The following LINGO2 variants were observed in gnomAD, a reference collection of about 807,000 sequenced individuals.
The protein encoded by LINGO2 is leucine-rich repeat and immunoglobulin-like domain-containing nogo receptor-interacting protein 2.
In LINGO2, 14 loss-of-function variants were observed where a neutral mutation model predicts 30.6. That is an observed-to-expected ratio of 0.46 (90% CI 0.30 to 0.72). The LOEUF is 0.72. Among genes scored for constraint, LINGO2 ranks in the 30% least tolerant of loss-of-function variants. The pLI is 0.07. For synonymous variants in LINGO2, 317 were observed against 288.5 expected (o/e 1.10, Z -1.00); for missense variants, 729 against 751.7 (o/e 0.97, Z 0.35).
chr9:29,212,323 C>G, the LINGO2 span, among the ~76,000 whole-genome samples: 16,665 of 151,880 alleles, frequency 0.11, 1,121 homozygotes, highest in Non-Finnish European at 0.14. Context: ...CTGGCGCCCC[C>G]ACACCCACCC....
At chr9:28,488,802 T>C (rs778388035) in intron 1 of LINGO2, among the ~76,000 whole-genome samples, 4 of 152,212 alleles carry the variant, frequency 2.6e-5, no homozygotes, top group Non-Finnish European at 5.9e-5. Flanking sequence ...GTCCTGGTTA[T>C]ACTAAATCAC....
chr9:28,067,122 G>A (rs1346266996), intron 4 of LINGO2, among the ~76,000 whole-genome samples: 1 of 151,980 alleles, frequency 6.6e-6, no homozygotes, highest in Admixed American at 6.6e-5. Flanking sequence ...AAAATATTCA[G>A]GGTCACATAC....
At chr9:28,070,021 C>G (rs1825426689) in intron 4 of LINGO2, among the ~76,000 whole-genome samples, 1 of 152,140 alleles carries the variant, frequency 6.6e-6, no homozygotes, top group Non-Finnish European at 1.5e-5. Context: ...GCAGCATGCT[C>G]AGGATGCAAA....
In LINGO2 at chr9:28,535,218, A is replaced by G. The variant is rs144847323; in HGVS notation, c.-364-59193T>C. 5.9e-3 allele frequency among the ~76,000 whole-genome samples: 896 copies of G among 152,328 alleles called. 13 individuals carry two copies. Among genetic ancestry groups the G allele is most frequent in the Non-Finnish European group, 9.4e-3 (639 of 68,010 alleles). ...TATCATATTTATACAATGGATTACTAGGTCACATTGAAAAGTGTGCCTTAC... is the reference window on the plus strand; with the variant it reads ...TATCATATTTATACAATGGATTACTGGGTCACATTGAAAAGTGTGCCTTAC... On this transcript the variant is annotated intron_variant, in intron 1 of 5. Transcript: ENST00000379992.
the LINGO2 span, among the ~76,000 whole-genome samples, chr9:28,761,549 C>A: frequency 6.6e-6 from 1 of 151,774 alleles, no homozygotes; most frequent in South Asian, 2.1e-4. Flanking sequence ...ATTACCATCT[C>A]TTTAGAGTCA....
At chr9:28,596,083 A>G (rs1825162040) in intron 1 of LINGO2, among the ~76,000 whole-genome samples, 1 of 152,192 alleles carries the variant, frequency 6.6e-6, no homozygotes, top group African/African-American at 2.4e-5. Context: ...TTTTTACTGT[A>G]ACTTTTGGTA....
intron 1 of LINGO2, among the ~76,000 whole-genome samples, chr9:28,563,312 A>T (rs772469764): frequency 1.1e-4 from 16 of 152,154 alleles, no homozygotes; most frequent in Non-Finnish European, 2.2e-4. Context: ...AATATCAATA[A>T]ATTAAAATCG....
chr9:28,478,636 A>G (rs767971251), intron 1 of LINGO2, among the ~76,000 whole-genome samples: 3 of 152,126 alleles, frequency 2.0e-5, no homozygotes, highest in Non-Finnish European at 4.4e-5. Flanking sequence ...CAAAAATACT[A>G]TTATAACAAT....
At chr9:28,904,111 T>C in the LINGO2 span, among the ~76,000 whole-genome samples, 7 of 151,706 alleles carry the variant, frequency 4.6e-5, no homozygotes, top group Non-Finnish European at 1.0e-4. Context: ...ATAAAAACAA[T>C]ACAATCATCT....
rs80305656 is a variant in LINGO2 at position 28,194,837 on chromosome 9, C to T, written c.-87+100371G>A. ...AAGCAACAGACAAGAAAAAGACTTT[C>T]TTACGATGAAGGTGCAATGTACAAA... On this transcript the variant is annotated intron_variant, in intron 4 of 5. Coordinates refer to ENST00000379992, the Ensembl canonical transcript of LINGO2. Among the ~76,000 whole-genome samples, 92 of 152,022 alleles carry T rather than the reference C, an allele frequency of 6.1e-4. 4 individuals carry two copies. The East Asian group carries it at 0.018, about 29-fold the overall frequency.
intron 1 of LINGO2, among the ~76,000 whole-genome samples, chr9:28,520,116 T>C (rs1192188575): frequency 2.0e-5 from 3 of 152,214 alleles, no homozygotes; most frequent in Non-Finnish European, 4.4e-5. Context: ...ATCACATGAT[T>C]GGTATACAAA....
intron 1 of LINGO2, among the ~76,000 whole-genome samples, chr9:28,593,005 G>A (rs889928529): frequency 6.6e-6 from 1 of 151,872 alleles, no homozygotes. Context: ...CAGCCATATT[G>A]GGTGGAATTT....
At chr9:28,213,631 A>G (rs1403576287) in intron 4 of LINGO2, among the ~76,000 whole-genome samples, 2 of 151,392 alleles carry the variant, frequency 1.3e-5, no homozygotes, top group African/African-American at 2.4e-5. Flanking sequence ...CTTCTTCTCT[A>G]TTAGTCAATA....
chr9:28,729,692 A>G, the LINGO2 span, among the ~76,000 whole-genome samples: 1 of 152,070 alleles, frequency 6.6e-6, no homozygotes, highest in East Asian at 1.9e-4. Context: ...GATAAACAGA[A>G]GGAAATCAGG....
chr9:28,356,910 A>T (rs971370151), intron 3 of LINGO2, among the ~76,000 whole-genome samples: 1 of 144,008 alleles, frequency 6.9e-6, no homozygotes, highest in African/African-American at 2.6e-5. Context: ...TTAGAACAGA[A>T]ATATGGGGTA....
At chr9:29,051,067 T>C in the LINGO2 span, among the ~76,000 whole-genome samples, 1 of 152,148 alleles carries the variant, frequency 6.6e-6, no homozygotes, top group African/African-American at 2.4e-5. Context: ...TTTTTCTATA[T>C]ACTCCCTGCT....
chr9:28,278,149 T>G (rs1045537701), intron 4 of LINGO2, among the ~76,000 whole-genome samples: 1 of 152,194 alleles, frequency 6.6e-6, no homozygotes, highest in Admixed American at 6.5e-5. Context: ...TTTAATTCTA[T>G]CAAGGTAAGA....
chr9:28,120,714 T>C (rs150953534), intron 4 of LINGO2, among the ~76,000 whole-genome samples: 2 of 152,248 alleles, frequency 1.3e-5, no homozygotes, highest in East Asian at 3.9e-4. Flanking sequence ...ATGAGTGTAG[T>C]TCCTTGTTAA....
At chr9:28,320,981 C>G (rs1825020449) in intron 3 of LINGO2, among the ~76,000 whole-genome samples, 1 of 152,152 alleles carries the variant, frequency 6.6e-6, no homozygotes, top group Non-Finnish European at 1.5e-5. Context: ...TGTCTTGCAG[C>G]TGCCAATCCA....
Sources: gnomAD v4.1 joint callset for allele counts (sites outside exome capture counted in the v4.1 genomes callset) on GRCh38, gnomAD v4.1.1 for gene constraint, MANE v1.5 for transcripts, NCBI Gene and HGNC (gene_info 2026-07-23, HGNC 2026-07-21) for gene names.